The following NBEA variants were observed in gnomAD, a reference collection of about 807,000 sequenced individuals.
The protein encoded by NBEA is neurobeachin, also known as lysosomal-trafficking regulator 2.
Under a neutral mutation model 343.4 loss-of-function variants are expected in NBEA, and 44 were observed. That is an observed-to-expected ratio of 0.13 (90% confidence interval 0.10 to 0.16). NBEA has a LOEUF of 0.16. Ranked by LOEUF, NBEA falls within the 10% of genes least tolerant of loss-of-function variation. The pLI is 1.00. For missense variants in NBEA, 2,555 were observed against 3,631.3 expected (o/e 0.70, Z 7.62); for synonymous variants, 1,175 against 1,238.7 (o/e 0.95, Z 1.08).
At chr13:35,043,110 A>G (rs1315347563) in intron 2 of NBEA, among the ~76,000 whole-genome samples, 1 of 151,886 alleles carries the variant, frequency 6.6e-6, no homozygotes. Flanking sequence ...GTTGTGTTAC[A>G]TATACAATAT....
Position 35,670,972 on chromosome 13 carries a change from A to G in NBEA, c.8885A>G (p.Glu2962Gly). Reference protein sequence around the residue: ...FNIDFNRWHYEHQNRY With the variant: ...FNIDFNRWHYGHQNRY The stretch of plus-strand genomic sequence containing the variant: ...ATAGATTTTAATCGGTGGCATTATG[A>G]GCATCAGAACAGATACTGAAGATAA... The change falls in exon 59 of 59, where the codon GAG (glutamate) becomes GGG (glycine). Residue 2962 changes from glutamate to glycine, a missense_variant. Coordinates refer to ENST00000379939, the MANE Select transcript of NBEA (RefSeq NM_001385012.1). 1 of 1,581,240 alleles carries G rather than the reference A, an allele frequency of 6.3e-7. No homozygotes were observed. The highest frequency in any genetic ancestry group is 8.6e-7 in the Non-Finnish European group (1 of 1,162,070).
intron 8 of NBEA, among the ~76,000 whole-genome samples, chr13:35,059,460 AGT>A (rs1177751771): frequency 1.3e-5 from 2 of 151,918 alleles, no homozygotes; most frequent in African/African-American, 4.8e-5. Flanking sequence ...GTTAGTTTTA[AGT>A]GTGTAGTACA....
intron 18 of NBEA, among the ~76,000 whole-genome samples, chr13:35,151,010 C>T (rs1593519330): frequency 6.7e-6 from 1 of 150,208 alleles, no homozygotes; most frequent in Non-Finnish European, 1.5e-5. Context: ...TCCAGTTACT[C>T]GGGAAGCTGA....
intron 38 of NBEA, among the ~76,000 whole-genome samples, chr13:35,420,903 T>C (rs1221809424): frequency 6.6e-6 from 1 of 152,008 alleles, no homozygotes; most frequent in African/African-American, 2.4e-5. Context: ...GTCAGTCTTT[T>C]TAGAGGTGTG....
At chr13:35,520,178 ACCT>A (rs2077643905) in intron 41 of NBEA, among the ~76,000 whole-genome samples, 1 of 152,138 alleles carries the variant, frequency 6.6e-6, no homozygotes, top group Non-Finnish European at 1.5e-5. Flanking sequence ...CCCATGGCTC[ACCT>A]CCTGCTGTAA....
At chr13:35,222,724 A>T (rs975535491) in intron 33 of NBEA, among the ~76,000 whole-genome samples, 1 of 152,182 alleles carries the variant, frequency 6.6e-6, no homozygotes, top group East Asian at 1.9e-4. Flanking sequence ...TTTTAATATT[A>T]TTACAAAGTT....
rs2062629165 is a variant in NBEA at position 35,041,031 on chromosome 13, A to G, written c.393A>G (p.Thr131=). 20 of 1,613,150 alleles carry G rather than the reference A, an allele frequency of 1.2e-5. No homozygotes were observed. Among genetic ancestry groups the G allele is most frequent in the Non-Finnish European group, 1.6e-5 (19 of 1,179,462 alleles). ...AGCTTTTGGAGCACTGTGATGTAACATGTCAAGCAGAAATATGGAGCATGT... is the reference window on the plus strand; with the variant it reads ...AGCTTTTGGAGCACTGTGATGTAACGTGTCAAGCAGAAATATGGAGCATGT... ...MTELLEHCDV[T]CQAEIWSMFT... is the part of the protein sequence containing the mutation. Residue 131 remains threonine (T), a synonymous_variant, in exon 2 of 59, where the codon ACA becomes ACG. Transcript: ENST00000379939.
At chr13:35,552,600 A>T (rs1228754117) in intron 43 of NBEA, among the ~76,000 whole-genome samples, 1 of 152,158 alleles carries the variant, frequency 6.6e-6, no homozygotes, top group African/African-American at 2.4e-5. Context: ...TTAATCATCA[A>T]TTCAAGAATT....
At chr13:35,175,848 C>G (rs1034105778) in intron 27 of NBEA, among the ~76,000 whole-genome samples, 2 of 151,982 alleles carry the variant, frequency 1.3e-5, no homozygotes, top group Admixed American at 6.6e-5. Flanking sequence ...CTTCATGTGA[C>G]CTCATTTTTA....
chr13:35,116,067 G>A (rs1270538831), intron 13 of NBEA, among the ~76,000 whole-genome samples: 2 of 152,184 alleles, frequency 1.3e-5, no homozygotes, highest in South Asian at 2.1e-4. Context: ...AGCATGGTGA[G>A]GGCTTTGGCA....
At chr13:35,117,317 A>G (rs1433292849) in intron 13 of NBEA, 97 bp from the exon 14 acceptor site, 2 of 444,780 alleles carry the variant, frequency 4.5e-6, no homozygotes, top group Non-Finnish European at 7.1e-6. Context: ...TAATAAAGAT[A>G]ATTATTCAAG....
At chr13:35,454,846 T>G (rs988481063) in intron 40 of NBEA, among the ~76,000 whole-genome samples, 3 of 151,746 alleles carry the variant, frequency 2.0e-5, no homozygotes, top group African/African-American at 7.3e-5. Flanking sequence ...GGCGACAGAA[T>G]GAGACTCCGT....
At chr13:35,617,611 C>T (rs1374684058) in intron 48 of NBEA, among the ~76,000 whole-genome samples, 6 of 152,202 alleles carry the variant, frequency 3.9e-5, no homozygotes, top group East Asian at 3.9e-4. Flanking sequence ...ATCAACGCTA[C>T]GCAAAGACAT....
intron 48 of NBEA, among the ~76,000 whole-genome samples, chr13:35,619,944 C>T (rs967000788): frequency 1.3e-5 from 2 of 152,130 alleles, no homozygotes; most frequent in Non-Finnish European, 2.9e-5. Context: ...GAAATTCCTT[C>T]GTTCATTCCG....
chr13:35,648,725 G>A (rs755508487), intron 51 of NBEA, among the ~76,000 whole-genome samples: 2 of 152,076 alleles, frequency 1.3e-5, no homozygotes, highest in Admixed American at 1.3e-4. Context: ...GGTGGTATTT[G>A]TAGTGTTTTG....
chr13:35,534,901 T>G (rs2153000746), intron 41 of NBEA, among the ~76,000 whole-genome samples: 1 of 152,154 alleles, frequency 6.6e-6, no homozygotes, highest in Non-Finnish European at 1.5e-5. Context: ...GATATTCAAA[T>G]GAAACAAATA....
intron 18 of NBEA, among the ~76,000 whole-genome samples, chr13:35,148,281 TC>T (rs1299890505): frequency 6.6e-6 from 1 of 152,176 alleles, no homozygotes; most frequent in Non-Finnish European, 1.5e-5. Context: ...TAAGGCTGCT[TC>T]CTTTATGCAC....
intron 6 of NBEA, among the ~76,000 whole-genome samples, chr13:35,052,818 T>C (rs1306566614): frequency 6.6e-6 from 1 of 152,060 alleles, no homozygotes; most frequent in Non-Finnish European, 1.5e-5. Flanking sequence ...TATTCATTCA[T>C]TTAATTTTAT....
intron 38 of NBEA, among the ~76,000 whole-genome samples, chr13:35,374,035 G>A (rs573944569): frequency 3.9e-5 from 6 of 152,190 alleles, no homozygotes; most frequent in Admixed American, 2.6e-4. Context: ...CAGCTTCTAC[G>A]TCAGCACTTG....
Sources: allele counts gnomAD v4.1 joint callset (sites outside exome capture counted in the v4.1 genomes callset), GRCh38; gene constraint gnomAD v4.1.1; transcripts MANE v1.5; gene names NCBI Gene and HGNC (gene_info 2026-07-23, HGNC 2026-07-21).